PTP4A3: variants seen among roughly 807,000 people sequenced by gnomAD.
PTP4A3 encodes the protein protein tyrosine phosphatase 4A3.
Under a neutral mutation model 15.2 loss-of-function variants are expected in PTP4A3, and 9 were observed. The observed-to-expected ratio is 0.59, with a 90% CI of 0.36 to 1.03. PTP4A3 has a LOEUF of 1.03. Ranked by LOEUF, PTP4A3 falls within the 50% of genes least tolerant of loss-of-function variation. The pLI is 0.02. For synonymous variants in PTP4A3, 95 were observed against 102.0 expected, an observed-to-expected ratio of 0.93 and a Z score of 0.41; for missense variants, 234 against 252.1, an observed-to-expected ratio of 0.93 and a Z score of 0.49.
rs774194509 is a variant in PTP4A3, at chr8:141,421,977, C to T, written c.-264C>T. On this transcript the variant is annotated 5_prime_UTR_variant, in exon 2 of 6. Transcript: ENST00000521578. ...ACTTTGGTTGGGTTGGGGGGGGCGGCGGGCTGTTTTGTTCCTTTTCTTTTT... is the reference window on the plus strand; with the variant it reads ...ACTTTGGTTGGGTTGGGGGGGGCGGTGGGCTGTTTTGTTCCTTTTCTTTTT... 9.2e-5 allele frequency: 40 copies of T among 435,642 alleles called. 1 individual carries two copies. Among genetic ancestry groups the T allele is most frequent in the South Asian group, 4.3e-4 (11 of 25,800 alleles). 27.0% of individuals were successfully genotyped at this position (435,642 alleles called of 1,614,324 possible).
chr8:141,432,307 C>T lies in PTP4A3; in HGVS notation c.*1263C>T, dbSNP rs3087694. 93,653 of 152,108 alleles carry T rather than the reference C, an allele frequency of 0.62. 29,066 individuals carry two copies. Among genetic ancestry groups the T allele is most frequent in the African/African-American group, 0.64 (26,447 of 41,472 alleles). The allele number at this position is 152,108 out of a possible 1,614,324, so 9.4% of individuals were successfully genotyped here. A position where few individuals can be genotyped will look rare whatever the true frequency, so the allele number is the denominator to read the frequency against. The stretch of plus-strand genomic sequence containing the variant: ...AAGCCCCTTCTCAGGCAGCCCTGCC[C>T]CCAAGACCGACAGATGGCTAAGGGG... On this transcript the variant is annotated 3_prime_UTR_variant, in exon 6 of 6. Coordinates refer to ENST00000521578, the MANE Select transcript of PTP4A3 (RefSeq NM_032611.3).
rs779492333 is a variant in PTP4A3 at position 141,425,016 on chromosome 8, C to T, written c.106-32C>T. On this transcript the variant is annotated intron_variant, in intron 2 of 5. Coordinates refer to ENST00000521578, the MANE Select transcript of PTP4A3 (RefSeq NM_032611.3). This position sits in a 1 kb window ranked among gnomAD's most constrained non-coding sequence, Gnocchi z 4.2. The stretch of plus-strand genomic sequence containing the variant: ...CCCCCTGAGCCCTGCAGCCCCAGCC[C>T]AGCCCTGCCTCCTCCGTCCTCCCAC... 2.5e-6 allele frequency: 4 copies of T among 1,577,774 alleles called. No individual in the cohort carries two copies. In the African/African-American group the frequency reaches 4.0e-5, roughly 16 times the overall value.
chr8:141,421,944 C>T lies in PTP4A3; in HGVS notation c.-297C>T. 1 of 401,334 alleles carries T rather than the reference C, an allele frequency of 2.5e-6. No homozygotes were observed. Among genetic ancestry groups the T allele is most frequent in the Non-Finnish European group, 4.4e-6 (1 of 224,852 alleles). 24.9% of individuals were successfully genotyped at this position (401,334 alleles called of 1,614,324 possible). A position where few individuals can be genotyped will look rare whatever the true frequency, so the allele number is the denominator to read the frequency against. Reference sequence around the variant, plus strand: ...TCTGAGAGACGGGAGTTTGGAGTTGCCCGCTTTACTTTGGTTGGGTTGGGG... The same window carrying T: ...TCTGAGAGACGGGAGTTTGGAGTTGTCCGCTTTACTTTGGTTGGGTTGGGG... On this transcript the variant is annotated 5_prime_UTR_variant, in exon 2 of 6. Transcript: ENST00000521578.
At chr8:141,408,967 G>A (rs7844278) in intron 1 of PTP4A3, among the ~76,000 whole-genome samples, 6 of 152,244 alleles carry the variant, frequency 3.9e-5, no homozygotes, top group Non-Finnish European at 8.8e-5. Context: ...AGGTACCCAC[G>A]CTGCCGTGTA....
At chr8:141,411,211 GTTC>G (rs1832860285) in intron 1 of PTP4A3, among the ~76,000 whole-genome samples, 1 of 152,222 alleles carries the variant, frequency 6.6e-6, no homozygotes, top group Non-Finnish European at 1.5e-5. Context: ...ACGAGGTCTG[GTTC>G]TTTGTCAACC....
chr8:141,402,269 C>T (rs1438082357), intron 1 of PTP4A3, among the ~76,000 whole-genome samples: 1 of 152,184 alleles, frequency 6.6e-6, no homozygotes. Flanking sequence ...TGTGGCCCTG[C>T]AGAACCCCTC....
rs149300958 is a variant in PTP4A3, at chr8:141,425,582, A to C, written c.198+442A>C. Among the ~76,000 whole-genome samples the C allele has an allele frequency of 5.7e-3, 550 of 96,318 alleles. 4 individuals carry two copies. The highest frequency in any genetic ancestry group is 0.02 in the African/African-American group (479 of 24,300). The allele number at this position is 96,318 out of a possible 152,430, so 63.2% of individuals were successfully genotyped here. ...TCGGCTTCTTTGGCCCTGGGGACCC[A>C]GGTCTGGGCGGGGGGTGGGGCGGTT... On this transcript the variant is annotated intron_variant, in intron 3 of 5. Transcript: ENST00000521578. This position sits in a 1 kb window ranked among gnomAD's most constrained non-coding sequence, Gnocchi z 4.2.
At position 141,422,014 on chromosome 8, in the gene PTP4A3, T is replaced by G; in HGVS notation, c.-227T>G. ...TTCCTTTTCTTTTTTAAGAGTTGGG[T>G]TTTCTTTTTTAATTATCCAAACAGT... is the stretch of plus-strand genomic sequence containing the variant. On this transcript the variant is annotated 5_prime_UTR_variant, in exon 2 of 6. Transcript: ENST00000521578. 2.1e-6 allele frequency: 1 copy of G among 486,884 alleles called. No homozygotes were observed. The highest frequency in any genetic ancestry group is 3.6e-6 in the Non-Finnish European group (1 of 277,318). 30.2% of individuals were successfully genotyped at this position (486,884 alleles called of 1,614,324 possible). A position where few individuals can be genotyped will look rare whatever the true frequency, so the allele number is the denominator to read the frequency against.
At chr8:141,394,455 C>T (rs4961381) in intron 1 of PTP4A3, among the ~76,000 whole-genome samples, 39,081 of 152,094 alleles carry the variant, frequency 0.26, 5,421 homozygotes, top group East Asian at 0.6. Flanking sequence ...CCACCCTGGC[C>T]GCCCTTGCTG....
At chr8:141,426,902 C>T in intron 3 of PTP4A3, 37 bp from the exon 4 acceptor site, 1 of 1,600,462 alleles carries the variant, frequency 6.2e-7, no homozygotes, top group Non-Finnish European at 8.5e-7. Flanking sequence ...TCTACCCTCC[C>T]TCAGCCGGGG....
intron 4 of PTP4A3, 71 bp from the exon 5 acceptor site, chr8:141,427,679 C>T: frequency 7.3e-7 from 1 of 1,373,904 alleles, no homozygotes; most frequent in South Asian, 1.3e-5. Context: ...CCTGCATCTT[C>T]AGCAGGTGCC....
intron 1 of PTP4A3, among the ~76,000 whole-genome samples, chr8:141,403,466 TCATC>T (rs1228615783): frequency 2.0e-5 from 3 of 152,224 alleles, no homozygotes; most frequent in Non-Finnish European, 4.4e-5. Context: ...TCACATCACA[TCATC>T]CATAAGTTCT....
rs1274438671 is a variant in PTP4A3 at position 141,406,018 on chromosome 8, G to C, written c.-854+13934G>C. On this transcript the variant is annotated intron_variant, in intron 1 of 5. Coordinates refer to ENST00000521578, the MANE Select transcript of PTP4A3 (RefSeq NM_032611.3). This position sits in a 1 kb window ranked among gnomAD's most constrained non-coding sequence, Gnocchi z 4.5. ...GGAGCAGCTCGCGTGGGGCCTTTAGGGCGATAAGGATTTTTGGCTTTCCTG... is the reference window on the plus strand; with the variant it reads ...GGAGCAGCTCGCGTGGGGCCTTTAGCGCGATAAGGATTTTTGGCTTTCCTG... Among the ~76,000 whole-genome samples, 4 of 152,124 alleles carry C rather than the reference G, an allele frequency of 2.6e-5. No homozygotes were observed. The highest frequency in any genetic ancestry group is 5.9e-5 in the Non-Finnish European group (4 of 68,028).
At chr8:141,408,671 C>A (rs1029737767) in intron 1 of PTP4A3, among the ~76,000 whole-genome samples, 1 of 151,836 alleles carries the variant, frequency 6.6e-6, no homozygotes, top group Admixed American at 6.6e-5. Flanking sequence ...AATTTTATCT[C>A]AAAAAATAAA....
chr8:141,398,472 G>C (rs1351106391), intron 1 of PTP4A3, among the ~76,000 whole-genome samples: 1 of 152,156 alleles, frequency 6.6e-6, no homozygotes, highest in Non-Finnish European at 1.5e-5. Context: ...GGCATGGAGT[G>C]GCAGGAACCA....
intron 1 of PTP4A3, among the ~76,000 whole-genome samples, chr8:141,404,526 C>T (rs538720074): frequency 1.8e-4 from 27 of 152,380 alleles, no homozygotes; most frequent in Non-Finnish European, 3.2e-4. Context: ...CTAAGCCTTT[C>T]TCCTCGTGAG....
chr8:141,401,135 G>T (rs548546188), intron 1 of PTP4A3, among the ~76,000 whole-genome samples: 1 of 152,152 alleles, frequency 6.6e-6, no homozygotes, highest in African/African-American at 2.4e-5. Context: ...TAAACCTCAG[G>T]GTCCCCTGGT....
intron 1 of PTP4A3, among the ~76,000 whole-genome samples, chr8:141,415,159 A>T (rs1832990472): frequency 6.6e-6 from 1 of 151,890 alleles, no homozygotes; most frequent in Non-Finnish European, 1.5e-5. Context: ...GGCAGGCTGC[A>T]GGGTCCGGGC....
At chr8:141,427,629 T>C in intron 4 of PTP4A3, 121 bp from the exon 5 acceptor site, 1 of 828,196 alleles carries the variant, frequency 1.2e-6, no homozygotes, top group East Asian at 2.8e-5. Context: ...ATGGGGGAGC[T>C]TCAGGCAGGG....
Sources: gnomAD v4.1 joint callset for allele counts (sites outside exome capture counted in the v4.1 genomes callset) on GRCh38, gnomAD v4.1.1 for gene constraint, Gnocchi (gnomAD v3.1) non-coding constraint, MANE v1.5 for transcripts, NCBI Gene and HGNC (gene_info 2026-07-23, HGNC 2026-07-21) for gene names.